KDM5A: variants seen among roughly 807,000 people sequenced by gnomAD.
KDM5A encodes lysine demethylase 5A, also known as lysine-specific demethylase 5A.
KDM5A carries 42 observed loss-of-function variants against 193.5 expected under a neutral mutation model. That is an observed-to-expected ratio of 0.22 (90% confidence interval 0.17 to 0.28). The LOEUF is 0.28. Among genes scored for constraint, KDM5A ranks in the 10% least tolerant of loss-of-function variants. The pLI, the probability that KDM5A is intolerant of heterozygous loss-of-function variation, is 1.00. For synonymous variants in KDM5A, 796 were observed against 718.1 expected, an observed-to-expected ratio of 1.11 and a Z score of -1.73; for missense variants, 1,692 against 2,055.1, an observed-to-expected ratio of 0.82 and a Z score of 3.42.
chr12:369,866 A>G (rs1370825070), intron 3 of KDM5A, among the ~76,000 whole-genome samples: 4 of 152,228 alleles, frequency 2.6e-5, no homozygotes, highest in Non-Finnish European at 4.4e-5. Context: ...CTAAATTTCC[A>G]TTAGTTATGA....
intron 21 of KDM5A, among the ~76,000 whole-genome samples, chr12:310,186 T>C (rs907970527): frequency 6.6e-6 from 1 of 152,148 alleles, no homozygotes; most frequent in Non-Finnish European, 1.5e-5. Context: ...AGGAAATAAC[T>C]TGCCCAAGGA....
chr12:389,169 C>T lies in KDM5A; in HGVS notation c.-78G>A, dbSNP rs1944695987. On this transcript the variant is annotated 5_prime_UTR_variant, in exon 1 of 28. An upstream open reading frame in the 5' UTR loses its in-frame stop. Transcript: ENST00000399788. ...CTGGCTGAAGCCCACTAAGCCCGTT[C>T]AAGTCCCCTGACAGAGGCCGAAGCG... is the stretch of plus-strand genomic sequence containing the variant. The T allele has an allele frequency of 2.2e-6, 3 of 1,375,372 alleles. No individual in the cohort carries two copies. The highest frequency in any genetic ancestry group is 1.8e-4 in the Middle Eastern group (1 of 5,654). The allele number at this position is 1,375,372 out of a possible 1,614,324, so 85.2% of individuals were successfully genotyped here.
chr12:290,860 G>T (rs1451200866), intron 27 of KDM5A, among the ~76,000 whole-genome samples: 1 of 152,124 alleles, frequency 6.6e-6, no homozygotes, highest in Non-Finnish European at 1.5e-5. Context: ...AAGACGAAAG[G>T]CTCATGATAG....
chr12:312,116 T>A (rs2137395838), intron 20 of KDM5A, among the ~76,000 whole-genome samples: 1 of 152,350 alleles, frequency 6.6e-6, no homozygotes, highest in African/African-American at 2.4e-5. Context: ...TTGAGTACAG[T>A]TCTATAATTA....
Position 334,104 on chromosome 12 carries a change from G to A in KDM5A, c.1490+137C>T, listed in dbSNP as rs1591918062. The A allele has an allele frequency of 6.3e-6, 5 of 793,974 alleles. No individual in the cohort carries two copies. The East Asian group carries it at 1.3e-4, about 21-fold the overall frequency. The allele number at this position is 793,974 out of a possible 1,614,324, so 49.2% of individuals were successfully genotyped here. On this transcript the variant is annotated intron_variant, in intron 11 of 27. Transcript: ENST00000399788. ...ACTGAGTTCAATTTTACTACCCAAA[G>A]AAATAGGCCAAGGCTAGAAATTATT...
chr12:318,172 T>G lies in KDM5A; in HGVS notation c.2831A>C (p.Glu944Ala). 6.2e-7 allele frequency: 1 copy of G among 1,614,208 alleles called. No homozygotes were observed. The change falls in exon 19 of 28, where the codon GAA (glutamate) becomes GCA (alanine). Residue 944 changes from glutamate (E) to alanine (A), a missense_variant. Coordinates refer to ENST00000399788, the MANE Select transcript of KDM5A (RefSeq NM_001042603.3). The stretch of plus-strand genomic sequence containing the variant: ...AGAGACTGTAAGGAGCTCCTGTAGT[T>G]CAGCCATTGCTTTCTCCACAGCATG... ...PHHAVEKAMA[E>A]LQELLTVSER...
chr12:342,790 A>C (rs976643939), intron 10 of KDM5A, among the ~76,000 whole-genome samples: 6 of 151,986 alleles, frequency 3.9e-5, no homozygotes, highest in African/African-American at 7.2e-5. Flanking sequence ...AAAAAAAAAA[A>C]AAACCTGGGG....
intron 3 of KDM5A, among the ~76,000 whole-genome samples, chr12:380,183 G>A (rs1020872678): frequency 3.3e-5 from 5 of 151,408 alleles, no homozygotes; most frequent in Non-Finnish European, 2.9e-5. Flanking sequence ...GAGGGGAATC[G>A]CTTGAACCCA....
intron 4 of KDM5A, 122 bp from the exon 5 acceptor site, chr12:363,219 C>A: frequency 2.7e-6 from 3 of 1,126,976 alleles, no homozygotes; most frequent in Non-Finnish European, 4.0e-6. Flanking sequence ...ATTTCTCAAA[C>A]TGACATACAG....
chr12:293,764 G>C (rs1943333278), intron 26 of KDM5A, among the ~76,000 whole-genome samples: 1 of 108,290 alleles, frequency 9.2e-6, no homozygotes, highest in South Asian at 3.7e-4. Context: ...GAGCAACAGA[G>C]CAAGACTCCA....
At chr12:369,670 G>C (rs1475284326) in intron 3 of KDM5A, among the ~76,000 whole-genome samples, 1 of 152,146 alleles carries the variant, frequency 6.6e-6, no homozygotes, top group Admixed American at 6.6e-5. Context: ...CAAAGCAAAG[G>C]CTCCAAGTCA....
chr12:367,494 C>T (rs1944372717), intron 3 of KDM5A, among the ~76,000 whole-genome samples: 1 of 152,078 alleles, frequency 6.6e-6, no homozygotes, highest in Non-Finnish European at 1.5e-5. Context: ...CTCAGGAGTT[C>T]AAGAGCAGCC....
intron 10 of KDM5A, among the ~76,000 whole-genome samples, chr12:345,776 G>C (rs1312639925): frequency 1.3e-5 from 2 of 152,186 alleles, no homozygotes; most frequent in African/African-American, 4.8e-5. Flanking sequence ...AGTGTGTAGA[G>C]GGAAATTTAT....
In KDM5A at chr12:282,703, T is replaced by C. The variant is rs1253722522; in HGVS notation, c.*2753A>G. On this transcript the variant is annotated 3_prime_UTR_variant, in exon 28 of 28. Coordinates refer to ENST00000399788, the MANE Select transcript of KDM5A (RefSeq NM_001042603.3). The stretch of plus-strand genomic sequence containing the variant: ...GAGTTAAAATACTAATGATGAAGAA[T>C]TGCAACTTCAGTTGCAGTTTAGAGG... 1.3e-5 allele frequency: 3 copies of C among 232,772 alleles called. No individual in the cohort carries two copies. Among genetic ancestry groups the C allele is most frequent in the Admixed American group, 5.6e-5 (1 of 17,756 alleles). 14.4% of individuals were successfully genotyped at this position (232,772 alleles called of 1,614,324 possible). A position where few individuals can be genotyped will look rare whatever the true frequency, so the allele number is the denominator to read the frequency against.
rs1183663646 is a variant in KDM5A, at chr12:366,190, T to C, written c.367-86A>G. On this transcript the variant is annotated intron_variant, in intron 3 of 27. Coordinates refer to ENST00000399788, the MANE Select transcript of KDM5A (RefSeq NM_001042603.3). ...AGTCTTGTCTACTAAATAGAAAAAT[T>C]ATTCAGGGCTTAAATTTCAAATTTC... 2.4e-5 allele frequency: 28 copies of C among 1,163,208 alleles called. No individual in the cohort carries two copies. The South Asian group carries it at 3.2e-4, about 13-fold the overall frequency. The allele number at this position is 1,163,208 out of a possible 1,614,324, so 72.1% of individuals were successfully genotyped here.
At chr12:319,612 C>T (rs1225524787) in intron 18 of KDM5A, among the ~76,000 whole-genome samples, 1 of 151,900 alleles carries the variant, frequency 6.6e-6, no homozygotes, top group Admixed American at 6.6e-5. Context: ...ATTAGCCAGG[C>T]GTGGTGGTGT....
chr12:305,180 T>C (rs893492071), intron 24 of KDM5A, among the ~76,000 whole-genome samples: 1 of 152,126 alleles, frequency 6.6e-6, no homozygotes, highest in Non-Finnish European at 1.5e-5. Flanking sequence ...ATAATGGCCC[T>C]CAATCAGCCC....
chr12:297,318 A>G, intron 24 of KDM5A, 118 bp from the exon 25 acceptor site: 1 of 827,726 alleles, frequency 1.2e-6, no homozygotes, highest in Non-Finnish European at 2.0e-6. Context: ...TATGAGATTA[A>G]AATTAAATAT....
At chr12:288,212 G>C (rs1943245228) in intron 27 of KDM5A, among the ~76,000 whole-genome samples, 1 of 152,226 alleles carries the variant, frequency 6.6e-6, no homozygotes, top group East Asian at 1.9e-4. Context: ...TGAATCCACA[G>C]ATGATTTTGA....
Sources: allele counts gnomAD v4.1 joint callset (sites outside exome capture counted in the v4.1 genomes callset), GRCh38; gene constraint gnomAD v4.1.1; transcripts MANE v1.5; gene names NCBI Gene and HGNC (gene_info 2026-07-23, HGNC 2026-07-21).